ESR1: variants seen among roughly 807,000 people sequenced by gnomAD.
The protein encoded by ESR1 is estrogen receptor.
A neutral mutation model predicts 52.7 loss-of-function variants in ESR1; 12 were observed. The ratio of observed to expected loss-of-function variants is 0.23; its 90% CI spans 0.15 to 0.37. The LOEUF (loss-of-function observed/expected upper bound fraction) is 0.37, where lower values mean the gene tolerates loss of function less well. Among genes scored for constraint, ESR1 ranks in the 10% least tolerant of loss-of-function variants. The probability of loss-of-function intolerance (pLI) is 1.00; values close to 1 mark genes in which losing one functional copy is unlikely to be tolerated. For synonymous variants in ESR1, 305 were observed against 316.8 expected (o/e 0.96, Z 0.39); for missense variants, 584 against 779.7 (o/e 0.75, Z 2.99).
chr6:151,930,583 A>G (rs2033444614), intron 3 of ESR1, among the ~76,000 whole-genome samples: 1 of 152,166 alleles, frequency 6.6e-6, no homozygotes, highest in Non-Finnish European at 1.5e-5. Context: ...TCCTGTGTAA[A>G]ATAAATTTCC....
At chr6:152,005,031 T>C (rs922331751) in intron 4 of ESR1, among the ~76,000 whole-genome samples, 3 of 152,030 alleles carry the variant, frequency 2.0e-5, no homozygotes, top group African/African-American at 7.2e-5. Flanking sequence ...AACACCACTT[T>C]GTTTCCCAAG....
chr6:151,934,735 G>C (rs1030620699), intron 3 of ESR1, among the ~76,000 whole-genome samples: 1 of 152,156 alleles, frequency 6.6e-6, no homozygotes, highest in African/African-American at 2.4e-5. Context: ...GCATCAGTGG[G>C]AAAACAGGGA....
At chr6:151,849,917 T>A (rs1470494356) in intron 2 of ESR1, among the ~76,000 whole-genome samples, 1 of 145,758 alleles carries the variant, frequency 6.9e-6, no homozygotes, top group Non-Finnish European at 1.5e-5. Flanking sequence ...TAGGGTCCTG[T>A]CTTCAATCTC....
intron 4 of ESR1, among the ~76,000 whole-genome samples, chr6:152,009,238 C>G (rs1204188143): frequency 6.6e-6 from 1 of 152,104 alleles, no homozygotes; most frequent in Non-Finnish European, 1.5e-5. Context: ...GGAATCCACT[C>G]TTTTCAATGG....
Position 151,744,020 on chromosome 6 carries a change from C to G in ESR1, c.-71+42015C>G, listed in dbSNP as rs538077588. Among the ~76,000 whole-genome samples, 7 of 152,256 alleles carry G rather than the reference C, an allele frequency of 4.6e-5. No individual in the cohort carries two copies. The East Asian group carries it at 1.2e-3, about 25-fold the overall frequency. ...TGATACAACATGTGGCCTTTTGTGA[C>G]TGACTTCTTTTACTTAGCATACTGT... is the stretch of plus-strand genomic sequence containing the variant. On this transcript the variant is annotated intron_variant, in intron 2 of 2. Transcript: ENST00000404742.
chr6:151,669,147 GGAGAGAGAGAGAGAGA>G (rs541895194), intron 1 of ESR1, among the ~76,000 whole-genome samples: 4 of 69,290 alleles, frequency 5.8e-5, no homozygotes, highest in Non-Finnish European at 7.3e-5. Flanking sequence ...TTGGGAGCTG[GGAGAGAGAGAGAGAGA>G]GAGAGAGAGA....
At chr6:151,789,736 T>A (rs1399590641) in intron 2 of ESR1, among the ~76,000 whole-genome samples, 2 of 152,200 alleles carry the variant, frequency 1.3e-5, no homozygotes, top group African/African-American at 4.8e-5. Context: ...ATCAAACGTG[T>A]GAGTTTCATT....
At chr6:151,674,155 A>G (rs1778173936) in intron 1 of ESR1, among the ~76,000 whole-genome samples, 1 of 151,984 alleles carries the variant, frequency 6.6e-6, no homozygotes, top group Admixed American at 6.6e-5. Flanking sequence ...TGCATTAGGT[A>G]TTTGTCCTAA....
rs1562789786 is a variant in ESR1, at chr6:152,100,418, GC to G, written c.*1456del. ...AGAAAATCCTCCCCCTTCCTCCCCCGCCCCGTTCCCTACCGCCTCCACTCCT... is the reference window on the plus strand; with the variant it reads ...AGAAAATCCTCCCCCTTCCTCCCCCGCCCGTTCCCTACCGCCTCCACTCCT... On this transcript the variant is annotated 3_prime_UTR_variant, in exon 8 of 8. Transcript: ENST00000206249. 8 of 245,576 alleles carry G rather than the reference GC, an allele frequency of 3.3e-5. No homozygotes were observed. Among genetic ancestry groups the G allele is most frequent in the Non-Finnish European group, 6.2e-5 (8 of 128,926 alleles). 15.2% of individuals were successfully genotyped at this position (245,576 alleles called of 1,614,324 possible).
chr6:152,119,160 T>C (rs1267262785), intron 6 of ESR1, among the ~76,000 whole-genome samples: 2 of 152,232 alleles, frequency 1.3e-5, no homozygotes, highest in Admixed American at 1.3e-4. Context: ...ATGTGGTTTG[T>C]CAATTAAGTT....
chr6:151,926,384 A>T lies in ESR1; in HGVS notation c.761-17789A>T, dbSNP rs142976716. On this transcript the variant is annotated intron_variant, in intron 3 of 7. Transcript: ENST00000206249. Reference sequence around the variant, plus strand: ...ATTGTCAATATCTACAAAATAGATTATTGGGATTTGGATTTAGATTACTCT... The same window carrying T: ...ATTGTCAATATCTACAAAATAGATTTTTGGGATTTGGATTTAGATTACTCT... Among the ~76,000 whole-genome samples, 10 of 152,264 alleles carry T rather than the reference A, an allele frequency of 6.6e-5. No individual in the cohort carries two copies. The East Asian group carries it at 1.4e-3, about 21-fold the overall frequency.
chr6:151,936,618 G>A (rs758757232), intron 3 of ESR1, among the ~76,000 whole-genome samples: 3 of 152,156 alleles, frequency 2.0e-5, no homozygotes, highest in Non-Finnish European at 2.9e-5. Context: ...AATAATAAGG[G>A]CTACATTTAC....
chr6:151,892,212 A>G (rs1794795563), intron 3 of ESR1, among the ~76,000 whole-genome samples: 1 of 152,192 alleles, frequency 6.6e-6, no homozygotes, highest in Non-Finnish European at 1.5e-5. Flanking sequence ...GTATGTTTCA[A>G]ATCTTAAATT....
intron 2 of ESR1, among the ~76,000 whole-genome samples, chr6:151,867,524 T>C (rs1392903308): frequency 1.3e-5 from 2 of 151,844 alleles, no homozygotes; most frequent in East Asian, 3.9e-4. Context: ...ACAACATAAA[T>C]ATGCTGCCAA....
At chr6:152,084,685 G>A (rs2049544181) in intron 6 of ESR1, among the ~76,000 whole-genome samples, 1 of 147,866 alleles carries the variant, frequency 6.8e-6, no homozygotes, top group African/African-American at 2.6e-5. Flanking sequence ...TTTATTATAA[G>A]GTTCACAGGC....
chr6:151,783,669 T>C (rs1279723996), intron 2 of ESR1, among the ~76,000 whole-genome samples: 1 of 152,252 alleles, frequency 6.6e-6, no homozygotes, highest in Admixed American at 6.5e-5. Context: ...GCTCCCGTAT[T>C]AGTAACTAAC....
intron 7 of ESR1, among the ~76,000 whole-genome samples, chr6:152,097,029 G>T (rs971953557): frequency 6.6e-6 from 1 of 152,146 alleles, no homozygotes; most frequent in Non-Finnish European, 1.5e-5. Context: ...ATACAACCCT[G>T]GCTGATTTTA....
At chr6:152,002,077 A>G (rs1428832072) in intron 4 of ESR1, among the ~76,000 whole-genome samples, 1 of 152,000 alleles carries the variant, frequency 6.6e-6, no homozygotes, top group Non-Finnish European at 1.5e-5. Context: ...TCTGAACTTA[A>G]GTAGAAAATG....
At chr6:151,805,748 T>G (rs1283877885), upstream of ESR1, 1 of 152,460 alleles carries the variant, frequency 6.6e-6, no homozygotes, top group Non-Finnish European at 1.5e-5. Flanking sequence ...CCTTCCTTCC[T>G]TCTCACTCTC....
Sources: gnomAD v4.1 joint callset for allele counts (sites outside exome capture counted in the v4.1 genomes callset) on GRCh38, gnomAD v4.1.1 for gene constraint, MANE v1.5 for transcripts, NCBI Gene and HGNC (gene_info 2026-07-23, HGNC 2026-07-21) for gene names.